The following AMBRA1 variants were observed in gnomAD, a reference collection of about 807,000 sequenced individuals.
AMBRA1 encodes autophagy and beclin 1 regulator 1.
Under a neutral mutation model 125.4 loss-of-function variants are expected in AMBRA1, and 47 were observed. The ratio of observed to expected loss-of-function variants is 0.37; its 90% CI spans 0.30 to 0.48. The LOEUF is 0.48. Ranked by LOEUF, AMBRA1 falls within the 20% of genes least tolerant of loss-of-function variation. The pLI is 0.99. For missense variants in AMBRA1, 1,331 were observed against 1,693.4 expected (o/e 0.79, Z 3.76); for synonymous variants, 626 against 655.5 (o/e 0.95, Z 0.69).
chr11:46,527,701 T>C (rs1952037544), intron 7 of AMBRA1, among the ~76,000 whole-genome samples: 1 of 151,870 alleles, frequency 6.6e-6, no homozygotes, highest in Admixed American at 6.6e-5. Context: ...TATAAGAAGA[T>C]GCTGAACATG....
At chr11:46,539,403 C>A (rs1952631620) in intron 7 of AMBRA1, among the ~76,000 whole-genome samples, 1 of 151,848 alleles carries the variant, frequency 6.6e-6, no homozygotes. Flanking sequence ...ACTAAAAATA[C>A]AAAATTAGCC....
chr11:46,582,230 T>C (rs910537245), intron 1 of AMBRA1, among the ~76,000 whole-genome samples: 1 of 152,084 alleles, frequency 6.6e-6, no homozygotes, highest in Non-Finnish European at 1.5e-5. Flanking sequence ...ATATCAACCT[T>C]CTTCCAGTTT....
intron 7 of AMBRA1, among the ~76,000 whole-genome samples, chr11:46,534,433 T>C (rs540745793): frequency 3.9e-5 from 6 of 152,172 alleles, no homozygotes; most frequent in South Asian, 4.1e-4. Flanking sequence ...AGGCGGAGGT[T>C]ACAGTGAGCC....
intron 16 of AMBRA1, among the ~76,000 whole-genome samples, chr11:46,409,149 T>C (rs1468639801): frequency 2.6e-5 from 4 of 152,218 alleles, no homozygotes; most frequent in African/African-American, 9.6e-5. Context: ...GATTCCACTT[T>C]GAATTCTTGA....
chr11:46,537,703 C>T (rs1047462644), intron 7 of AMBRA1, among the ~76,000 whole-genome samples: 13 of 152,192 alleles, frequency 8.5e-5, no homozygotes, highest in Non-Finnish European at 1.3e-4. Context: ...TGGTTATTAC[C>T]ACTTGGCAGC....
At chr11:46,495,087 C>T (rs1375417743) in intron 9 of AMBRA1, 1 of 152,204 alleles carries the variant, frequency 6.6e-6, no homozygotes, top group Non-Finnish European at 1.5e-5. Context: ...GATCTTTCCA[C>T]TACATTTCAC....
intron 7 of AMBRA1, among the ~76,000 whole-genome samples, chr11:46,538,414 C>G (rs182134305): frequency 6.6e-6 from 1 of 152,128 alleles, no homozygotes; most frequent in Non-Finnish European, 1.5e-5. Context: ...AATGGTTGAA[C>G]TTTAAACCAC....
At chr11:46,514,666 A>G (rs944656327) in intron 7 of AMBRA1, among the ~76,000 whole-genome samples, 1 of 151,558 alleles carries the variant, frequency 6.6e-6, no homozygotes, top group African/African-American at 2.4e-5. Flanking sequence ...ATAGAGACAG[A>G]GTCTGGCTAT....
intron 15 of AMBRA1, 23 bp downstream of exon 15, chr11:46,417,890 C>T (rs745610881): frequency 3.1e-6 from 5 of 1,591,422 alleles, no homozygotes; most frequent in Middle Eastern, 1.7e-4. Context: ...GATCCCTCAA[C>T]CCCCACACTT....
chr11:46,498,300 T>C (rs1452152272), intron 9 of AMBRA1, among the ~76,000 whole-genome samples: 2 of 152,000 alleles, frequency 1.3e-5, no homozygotes, highest in Non-Finnish European at 2.9e-5. Flanking sequence ...TCCTCCAACA[T>C]AGGAGGAATA....
chr11:46,455,861 A>T (rs1948824829), intron 11 of AMBRA1, among the ~76,000 whole-genome samples: 1 of 152,152 alleles, frequency 6.6e-6, no homozygotes, highest in Non-Finnish European at 1.5e-5. Flanking sequence ...ACCCAGGATT[A>T]ATCTGGGCTG....
At chr11:46,493,789 G>A in intron 10 of AMBRA1, 81 bp from the exon 11 acceptor site, 1 of 1,143,814 alleles carries the variant, frequency 8.7e-7, no homozygotes. Flanking sequence ...GAAAAATCTG[G>A]GCTAAGGGAC....
intron 7 of AMBRA1, among the ~76,000 whole-genome samples, chr11:46,527,477 C>CAAAAAGAAAAAAAAA (rs1952026492): frequency 3.9e-5 from 1 of 25,924 alleles, no homozygotes; most frequent in African/African-American, 2.0e-4. Context: ...GAGACTGTCT[C>CAAAAAGAAAAAAAAA]AAAAAAAAAA....
chr11:46,495,084 C>A (rs895957593), intron 9 of AMBRA1: 5 of 152,196 alleles, frequency 3.3e-5, no homozygotes, highest in Admixed American at 3.3e-4. Context: ...CTAGATCTTT[C>A]CACTACATTT....
intron 11 of AMBRA1, among the ~76,000 whole-genome samples, chr11:46,483,152 T>C (rs1950138508): frequency 6.6e-6 from 1 of 152,128 alleles, no homozygotes; most frequent in Admixed American, 6.5e-5. Flanking sequence ...GAACTGGGCC[T>C]ATGATAAACC....
intron 14 of AMBRA1, among the ~76,000 whole-genome samples, chr11:46,432,808 T>C (rs1459151719): frequency 6.6e-6 from 1 of 152,238 alleles, no homozygotes; most frequent in Non-Finnish European, 1.5e-5. Flanking sequence ...ACTGTTCAAA[T>C]GCTTGAATCC....
chr11:46,585,458 G>A lies in AMBRA1; in HGVS notation c.-121+8370C>T, dbSNP rs1322072484. ...CGAGGCAGGTGGACCACGAGGTCAG[G>A]AGATCGAGACCATCCTGGCTAACAT... On this transcript the variant is annotated intron_variant, in intron 1 of 17. Transcript: ENST00000683756. Among the ~76,000 whole-genome samples, 17 of 149,694 alleles carry A rather than the reference G, an allele frequency of 1.1e-4. No homozygotes were observed. The Admixed American group carries it at 1.1e-3, about 10-fold the overall frequency.
At chr11:46,478,884 A>G (rs1393808940) in intron 11 of AMBRA1, among the ~76,000 whole-genome samples, 1 of 151,988 alleles carries the variant, frequency 6.6e-6, no homozygotes, top group Non-Finnish European at 1.5e-5. Context: ...TTTCCTCAGT[A>G]TATGTAAGGA....
At chr11:46,537,390 ACT>A (rs367574443) in intron 7 of AMBRA1, among the ~76,000 whole-genome samples, 79 of 152,104 alleles carry the variant, frequency 5.2e-4, no homozygotes, top group African/African-American at 1.7e-3. Context: ...GAAATCATTT[ACT>A]CTCTCTGTTT....
Sources: gnomAD v4.1 joint callset for allele counts (sites outside exome capture counted in the v4.1 genomes callset) on GRCh38, gnomAD v4.1.1 for gene constraint, MANE v1.5 for transcripts, NCBI Gene and HGNC (gene_info 2026-07-23, HGNC 2026-07-21) for gene names.